Variants in LRMDA observed in about 807,000 individuals in gnomAD.
LRMDA encodes leucine rich melanocyte differentiation associated.
LRMDA carries 18 observed loss-of-function variants against 29.8 expected under a neutral mutation model. The observed-to-expected ratio is 0.60, with a 90% CI of 0.42 to 0.90. The LOEUF is 0.90. Among genes scored for constraint, LRMDA ranks in the 40% least tolerant of loss-of-function variants. The probability of loss-of-function intolerance (pLI) is 0.00; values close to 1 mark genes in which losing one functional copy is unlikely to be tolerated. For synonymous variants in LRMDA, 125 were observed against 109.4 expected (o/e 1.14, Z -0.89); for missense variants, 273 against 273.9 (o/e 1.00, Z 0.02).
chr10:75,840,994 C>T (rs1423169671), intron 2 of LRMDA, among the ~76,000 whole-genome samples: 1 of 152,154 alleles, frequency 6.6e-6, no homozygotes, highest in African/African-American at 2.4e-5. Context: ...TCATAGAGAC[C>T]CATCTGAGTT....
chr10:75,934,218 C>T (rs1448696591), intron 2 of LRMDA, among the ~76,000 whole-genome samples: 1 of 152,198 alleles, frequency 6.6e-6, no homozygotes, highest in Non-Finnish European at 1.5e-5. Context: ...GTTAATTACA[C>T]TCATTACACA....
chr10:75,438,345 C>A (rs1233551576), intron 1 of LRMDA, 49 bp from the exon 2 acceptor site: 2 of 1,401,806 alleles, frequency 1.4e-6, no homozygotes, highest in Non-Finnish European at 2.0e-6. Context: ...TTGGGAGCAG[C>A]TGGGTGATTT....
At chr10:76,351,682 C>T (rs373717152) in intron 6 of LRMDA, among the ~76,000 whole-genome samples, 4 of 151,726 alleles carry the variant, frequency 2.6e-5, no homozygotes, top group African/African-American at 9.7e-5. Flanking sequence ...CTCAACAAGC[C>T]CCGGTGATTC....
At chr10:75,726,180 A>G (rs1344624592) in intron 2 of LRMDA, among the ~76,000 whole-genome samples, 1 of 152,232 alleles carries the variant, frequency 6.6e-6, no homozygotes, top group African/African-American at 2.4e-5. Flanking sequence ...GGCCCTGTTA[A>G]CTGGGGAGAC....
At chr10:76,048,509 A>G (rs1386479654) in intron 4 of LRMDA, among the ~76,000 whole-genome samples, 1 of 152,202 alleles carries the variant, frequency 6.6e-6, no homozygotes, top group Admixed American at 6.5e-5. Flanking sequence ...CAAAAGTACT[A>G]AGACCAAGGT....
chr10:76,547,725 G>A (rs1843439130), intron 6 of LRMDA, among the ~76,000 whole-genome samples: 1 of 152,088 alleles, frequency 6.6e-6, no homozygotes, highest in Non-Finnish European at 1.5e-5. Flanking sequence ...GAAACGTGAG[G>A]CCAGAGCACT....
At chr10:75,941,219 A>G (rs1846385462) in intron 2 of LRMDA, among the ~76,000 whole-genome samples, 2 of 152,204 alleles carry the variant, frequency 1.3e-5, no homozygotes, top group Non-Finnish European at 2.9e-5. Flanking sequence ...TATACTCCAC[A>G]GGCCAGCTCC....
At chr10:76,394,591 C>T (rs1033474299) in intron 6 of LRMDA, among the ~76,000 whole-genome samples, 1 of 152,096 alleles carries the variant, frequency 6.6e-6, no homozygotes, top group Non-Finnish European at 1.5e-5. Flanking sequence ...GTTTTTGAGT[C>T]AGCTCACTCA....
chr10:75,952,802 G>C (rs1411856420), intron 2 of LRMDA, among the ~76,000 whole-genome samples: 1 of 152,066 alleles, frequency 6.6e-6, no homozygotes, highest in Non-Finnish European at 1.5e-5. Context: ...TGTCACCCAG[G>C]CTGGAGTGCA....
chr10:75,671,634 C>A (rs896466645), intron 2 of LRMDA, among the ~76,000 whole-genome samples: 4 of 152,004 alleles, frequency 2.6e-5, no homozygotes, highest in Admixed American at 2.6e-4. Flanking sequence ...CAGGGCCTGT[C>A]GTGGGGTGGG....
intron 5 of LRMDA, among the ~76,000 whole-genome samples, chr10:76,104,968 T>C (rs1849456754): frequency 6.6e-6 from 1 of 152,202 alleles, no homozygotes; most frequent in African/African-American, 2.4e-5. Flanking sequence ...CTAGCCATTC[T>C]CTCTGCCTGC....
chr10:76,477,572 G>A (rs1047090350), intron 6 of LRMDA, among the ~76,000 whole-genome samples: 10 of 151,946 alleles, frequency 6.6e-5, no homozygotes, highest in East Asian at 3.9e-4. Flanking sequence ...ATATGGAACC[G>A]AAAAAGAGCC....
chr10:75,905,703 G>A (rs1246437466), intron 2 of LRMDA, among the ~76,000 whole-genome samples: 1 of 152,106 alleles, frequency 6.6e-6, no homozygotes, highest in African/African-American at 2.4e-5. Context: ...GTCCCTTCCT[G>A]TTTCTGTTGG....
At chr10:76,014,990 T>C (rs1402214147) in intron 2 of LRMDA, among the ~76,000 whole-genome samples, 1 of 152,242 alleles carries the variant, frequency 6.6e-6, no homozygotes, top group Non-Finnish European at 1.5e-5. Context: ...TTCAGAATCA[T>C]ATATGTAAAT....
intron 2 of LRMDA, chr10:75,782,778 T>C: frequency 1.4e-6 from 2 of 1,407,620 alleles, no homozygotes; most frequent in South Asian, 1.6e-5. Context: ...AAAGAGGATC[T>C]GGCTGAAAGA....
intron 2 of LRMDA, among the ~76,000 whole-genome samples, chr10:75,888,888 G>A (rs1033535074): frequency 6.6e-5 from 10 of 152,178 alleles, no homozygotes; most frequent in African/African-American, 2.2e-4. Flanking sequence ...TAGACAAGAT[G>A]CCAAAAGTAG....
chr10:75,550,048 A>G (rs1840123674), intron 2 of LRMDA, among the ~76,000 whole-genome samples: 1 of 152,170 alleles, frequency 6.6e-6, no homozygotes, highest in Non-Finnish European at 1.5e-5. Flanking sequence ...TCACCATTTG[A>G]TGGCTGTTTG....
intron 2 of LRMDA, among the ~76,000 whole-genome samples, chr10:75,791,081 GCATCCCACT>G (rs1843557479): frequency 6.6e-6 from 1 of 152,192 alleles, no homozygotes; most frequent in Admixed American, 6.5e-5. Flanking sequence ...TGGGGACAGA[GCATCCCACT>G]TTCCACAGTT....
intron 6 of LRMDA, among the ~76,000 whole-genome samples, chr10:76,381,819 G>A (rs74148464): frequency 0.024 from 3,649 of 152,190 alleles, 135 homozygotes; most frequent in African/African-American, 0.073. Context: ...AGTCTCATCT[G>A]TTCTCTTCTT....
Sources: allele counts gnomAD v4.1 joint callset (sites outside exome capture counted in the v4.1 genomes callset), GRCh38; gene constraint gnomAD v4.1.1; transcripts MANE v1.5; gene names NCBI Gene and HGNC (gene_info 2026-07-23, HGNC 2026-07-21).